The following INPP4B variants were observed in gnomAD, a reference collection of about 807,000 sequenced individuals.
INPP4B encodes inositol polyphosphate-4-phosphatase type II B, also known as inositol polyphosphate 4-phosphatase type II.
INPP4B carries 55 observed loss-of-function variants against 122.5 expected under a neutral mutation model. The ratio of observed to expected loss-of-function variants is 0.45; its 90% CI spans 0.36 to 0.56. The LOEUF is 0.56. Ranked by LOEUF, INPP4B falls within the 20% of genes least tolerant of loss-of-function variation. The probability of loss-of-function intolerance (pLI) is 0.00; values close to 1 mark genes in which losing one functional copy is unlikely to be tolerated. For synonymous variants in INPP4B, 403 were observed against 388.7 expected (o/e 1.04, Z -0.43); for missense variants, 1,000 against 1,097.7 (o/e 0.91, Z 1.26).
chr4:142,703,842 A>G (rs1237284105), intron 2 of INPP4B, among the ~76,000 whole-genome samples: 1 of 152,174 alleles, frequency 6.6e-6, no homozygotes, highest in African/African-American at 2.4e-5. Flanking sequence ...GCAGCACCAG[A>G]CTAGTAACTC....
intron 5 of INPP4B, among the ~76,000 whole-genome samples, chr4:142,408,571 A>T (rs1244913966): frequency 6.6e-6 from 1 of 152,118 alleles, no homozygotes; most frequent in Non-Finnish European, 1.5e-5. Context: ...ATAAAAAGTT[A>T]TATCTGTCTT....
chr4:142,456,591 A>C (rs532506830), intron 3 of INPP4B, among the ~76,000 whole-genome samples: 2 of 152,186 alleles, frequency 1.3e-5, no homozygotes, highest in South Asian at 4.1e-4. Context: ...TATGTTCTTC[A>C]TATAGAATAT....
chr4:142,256,316 C>A (rs1296425803), intron 11 of INPP4B, among the ~76,000 whole-genome samples: 2 of 151,520 alleles, frequency 1.3e-5, no homozygotes, highest in Non-Finnish European at 3.0e-5. Context: ...AGAGCAAACA[C>A]ATTCAAAAGC....
intron 1 of INPP4B, among the ~76,000 whole-genome samples, chr4:142,775,809 A>G (rs934106655): frequency 3.3e-4 from 50 of 152,086 alleles, no homozygotes; most frequent in African/African-American, 1.2e-3. Context: ...GAAGCATCTC[A>G]TTTCTCATTA....
At chr4:142,221,293 G>A (rs933980018) in intron 12 of INPP4B, among the ~76,000 whole-genome samples, 7 of 150,564 alleles carry the variant, frequency 4.6e-5, no homozygotes, top group South Asian at 4.2e-4. Context: ...CCAGCTATTC[G>A]GGAGACTGAG....
At chr4:142,539,630 C>T (rs895187608) in intron 2 of INPP4B, among the ~76,000 whole-genome samples, 3 of 152,014 alleles carry the variant, frequency 2.0e-5, no homozygotes, top group Non-Finnish European at 4.4e-5. Flanking sequence ...TGGTTCTCCA[C>T]GGAAGCCTGT....
intron 11 of INPP4B, among the ~76,000 whole-genome samples, chr4:142,247,569 T>G (rs886228078): frequency 6.6e-5 from 10 of 152,198 alleles, no homozygotes; most frequent in Non-Finnish European, 1.5e-4. Context: ...ATCTTCTAGT[T>G]TATTTGCATA....
chr4:142,341,017 T>C (rs1260044825), intron 7 of INPP4B, among the ~76,000 whole-genome samples: 3 of 152,232 alleles, frequency 2.0e-5, no homozygotes, highest in Non-Finnish European at 4.4e-5. Context: ...TTTGCCATTA[T>C]TCTACTGGAC....
At chr4:142,749,012 T>A (rs965235200) in intron 1 of INPP4B, among the ~76,000 whole-genome samples, 1 of 151,496 alleles carries the variant, frequency 6.6e-6, no homozygotes, top group East Asian at 1.9e-4. Context: ...TGGTGACACA[T>A]ACCCATAATC....
rs532157036 is a variant in INPP4B, at chr4:142,113,541, A to G, written c.2136-859T>C. On this transcript the variant is annotated intron_variant, in intron 21 of 25. Coordinates refer to ENST00000262992, the MANE Select transcript of INPP4B (RefSeq NM_001101669.3). ...TCTCCTAGTATAACATTATTGATAA[A>G]CAGTGTGGACCACTGACTCTGAGAC... is the stretch of plus-strand genomic sequence containing the variant. Among the ~76,000 whole-genome samples, 3 of 152,084 alleles carry G rather than the reference A, an allele frequency of 2.0e-5. No homozygotes were observed. The South Asian group carries it at 6.2e-4, about 32-fold the overall frequency.
chr4:142,606,621 C>T (rs1741328823), intron 2 of INPP4B, among the ~76,000 whole-genome samples: 1 of 151,866 alleles, frequency 6.6e-6, no homozygotes, highest in African/African-American at 2.4e-5. Context: ...TACATATTTT[C>T]AAATATTTTG....
chr4:142,770,859 C>A (rs909972420), intron 1 of INPP4B, among the ~76,000 whole-genome samples: 2 of 152,030 alleles, frequency 1.3e-5, no homozygotes, highest in African/African-American at 4.8e-5. Context: ...AGACAGGGCA[C>A]AATTCTTAAC....
intron 2 of INPP4B, among the ~76,000 whole-genome samples, chr4:142,486,869 C>T (rs754014385): frequency 2.6e-5 from 4 of 152,106 alleles, no homozygotes; most frequent in Non-Finnish European, 5.9e-5. Context: ...TGCCTTGATG[C>T]CTATGCAAAA....
chr4:142,335,961 T>TC (rs1194889778), intron 7 of INPP4B, among the ~76,000 whole-genome samples: 1 of 152,146 alleles, frequency 6.6e-6, no homozygotes, highest in Admixed American at 6.5e-5. Flanking sequence ...AGTGAGAACT[T>TC]CCGTGGTGTC....
chr4:142,461,598 T>C (rs1046488212), intron 3 of INPP4B, among the ~76,000 whole-genome samples: 2 of 152,196 alleles, frequency 1.3e-5, no homozygotes, highest in Admixed American at 1.3e-4. Flanking sequence ...CTGGCTTGCA[T>C]TATCTAGATT....
intron 15 of INPP4B, among the ~76,000 whole-genome samples, chr4:142,179,735 G>A (rs1351757873): frequency 6.6e-6 from 1 of 151,998 alleles, no homozygotes; most frequent in African/African-American, 2.4e-5. Flanking sequence ...TCCTATTCTT[G>A]CTTTAATTCA....
At position 142,683,025 on chromosome 4, in the gene INPP4B, C is replaced by T. The variant is rs1758851499; in HGVS notation, c.-191+42814G>A. On this transcript the variant is annotated intron_variant, in intron 2 of 25. Coordinates refer to ENST00000262992, the MANE Select transcript of INPP4B (RefSeq NM_001101669.3). The stretch of plus-strand genomic sequence containing the variant: ...TCTTAGTATTTGAGATAGATGATTT[C>T]CTAGATAAGCAAAGTTTAGCTCAGC... Among the ~76,000 whole-genome samples, 4 of 151,782 alleles carry T rather than the reference C, an allele frequency of 2.6e-5. No individual in the cohort carries two copies. In the South Asian group the frequency reaches 8.3e-4, roughly 32 times the overall value.
chr4:142,150,943 T>C (rs1428785605), intron 17 of INPP4B, among the ~76,000 whole-genome samples: 1 of 152,196 alleles, frequency 6.6e-6, no homozygotes, highest in Non-Finnish European at 1.5e-5. Context: ...CCAGAGCTGA[T>C]ATAGATGTAC....
At chr4:142,365,282 G>C (rs528383542) in intron 7 of INPP4B, among the ~76,000 whole-genome samples, 17 of 152,240 alleles carry the variant, frequency 1.1e-4, no homozygotes, top group African/African-American at 3.9e-4. Flanking sequence ...TTTCATGTTT[G>C]ATCCCCACTG....
Sources: allele counts gnomAD v4.1 joint callset (sites outside exome capture counted in the v4.1 genomes callset), GRCh38; gene constraint gnomAD v4.1.1; transcripts MANE v1.5; gene names NCBI Gene and HGNC (gene_info 2026-07-23, HGNC 2026-07-21).